The following DMTN variants were observed in gnomAD, a reference collection of about 807,000 sequenced individuals.
The protein encoded by DMTN is dematin.
In DMTN, 27 loss-of-function variants were observed where a neutral mutation model predicts 59.4. The observed-to-expected ratio is 0.45, with a 90% confidence interval of 0.33 to 0.63. DMTN has a LOEUF of 0.63. DMTN is among the 20% of genes least tolerant of loss of function. The probability of loss-of-function intolerance (pLI) is 0.02; values close to 1 mark genes in which losing one functional copy is unlikely to be tolerated. For missense variants in DMTN, 451 were observed against 528.9 expected (o/e 0.85, Z 1.45); for synonymous variants, 221 against 203.7 (o/e 1.08, Z -0.72).
chr8:22,068,017 G>T lies in DMTN; in HGVS notation c.249+335G>T, dbSNP rs138568639. On this transcript the variant is annotated intron_variant, in intron 4 of 15. Coordinates refer to ENST00000358242, the MANE Select transcript of DMTN (RefSeq NM_001387751.1). Reference sequence around the variant, plus strand: ...GCGGAGGGACCCATGTGATGTTGTGGCCTCAGCTTACCCTCGTGTAAAATA... The same window carrying T: ...GCGGAGGGACCCATGTGATGTTGTGTCCTCAGCTTACCCTCGTGTAAAATA... Among the ~76,000 whole-genome samples the T allele has an allele frequency of 2.6e-5, 4 of 152,348 alleles. No homozygotes were observed. The East Asian group carries it at 7.7e-4, about 29-fold the overall frequency.
At chr8:22,051,768 C>T (rs564897418), upstream of DMTN, among the ~76,000 whole-genome samples, 3 of 152,284 alleles carry the variant, frequency 2.0e-5, no homozygotes, top group South Asian at 2.1e-4. Context: ...TCTAAATATC[C>T]ACTCGCTCCC....
intron 1 of DMTN, among the ~76,000 whole-genome samples, chr8:22,062,834 A>G (rs565150812): frequency 6.7e-6 from 1 of 149,538 alleles, no homozygotes; most frequent in East Asian, 2.0e-4. Context: ...TTCTCTCAAT[A>G]TGTTTTGCAC....
chr8:22,069,655 C>A, intron 6 of DMTN, 137 bp downstream of exon 6: 1 of 894,980 alleles, frequency 1.1e-6, no homozygotes. Context: ...GGCCAGGACC[C>A]CTCCCAGAGA....
At chr8:22,079,273 A>ATATATATATATATATATATATATAT (rs1554562329) in intron 10 of DMTN, among the ~76,000 whole-genome samples, 2 of 28,566 alleles carry the variant, frequency 7.0e-5, no homozygotes, top group African/African-American at 2.0e-4. Flanking sequence ...TAAATAAATA[A>ATATATATATATATATATATATATAT]ATAAATATAT....
At chr8:22,062,384 C>T (rs1446002912) in intron 1 of DMTN, among the ~76,000 whole-genome samples, 1 of 152,156 alleles carries the variant, frequency 6.6e-6, no homozygotes, top group African/African-American at 2.4e-5. Flanking sequence ...AGGCATAAGC[C>T]ACTGCCCAGC....
At chr8:22,061,786 C>G (rs946801703) in intron 1 of DMTN, among the ~76,000 whole-genome samples, 1 of 141,262 alleles carries the variant, frequency 7.1e-6, no homozygotes. Flanking sequence ...CAGAATCTCA[C>G]TCTGTTGCCC....
chr8:22,080,540 C>T, intron 12 of DMTN, 78 bp from the exon 13 acceptor site: 1 of 1,613,678 alleles, frequency 6.2e-7, no homozygotes, highest in East Asian at 2.2e-5. Context: ...GGGCTGTGGG[C>T]AGGGGTCTGG....
upstream of DMTN, among the ~76,000 whole-genome samples, chr8:22,054,036 G>C (rs1433759055): frequency 6.6e-6 from 1 of 152,128 alleles, no homozygotes; most frequent in Non-Finnish European, 1.5e-5. Context: ...ACAGTGACGA[G>C]GTAGGGTCAG....
At position 22,058,468 on chromosome 8, in the gene DMTN, C is replaced by T. The variant is rs1031783731; in HGVS notation, c.-172+1332C>T. ...GCTGCAGGATGCAGAAAGCAGAAAG[C>T]GGGGTCTCTTCAGAGGGTGGGTGGA... On this transcript the variant is annotated intron_variant, in intron 1 of 15. Transcript: ENST00000358242. This position sits in a 1 kb window ranked among gnomAD's most constrained non-coding sequence, Gnocchi z 4.3. 2.6e-5 allele frequency among the ~76,000 whole-genome samples: 4 copies of T among 152,154 alleles called. No homozygotes were observed. Among genetic ancestry groups the T allele is most frequent in the East Asian group, 1.9e-4 (1 of 5,186 alleles).
chr8:22,081,087 A>T, intron 14 of DMTN, 26 bp from the exon 15 acceptor site: 4 of 1,250,862 alleles, frequency 3.2e-6, no homozygotes, highest in African/African-American at 1.5e-5. Context: ...CTGTGAGCCT[A>T]AGATTGCCCC....
intron 10 of DMTN, among the ~76,000 whole-genome samples, chr8:22,078,335 A>C (rs7017778): frequency 6.6e-6 from 1 of 151,514 alleles, no homozygotes; most frequent in Non-Finnish European, 1.5e-5. Flanking sequence ...ACTGCACTCC[A>C]GCCTAGGCAA....
In DMTN at chr8:22,081,508, C is replaced by T; in HGVS notation, c.*45C>T. ...GACGGCCCCCTTACCCCTGCTGCTTCAGGGTTTTTCCCCGGCGGGTTGGGA... is the reference window on the plus strand; with the variant it reads ...GACGGCCCCCTTACCCCTGCTGCTTTAGGGTTTTTCCCCGGCGGGTTGGGA... On this transcript the variant is annotated 3_prime_UTR_variant, in exon 16 of 16. Transcript: ENST00000358242. The T allele has an allele frequency of 1.9e-6, 3 of 1,567,156 alleles. No individual in the cohort carries two copies. The highest frequency in any genetic ancestry group is 2.6e-6 in the Non-Finnish European group (3 of 1,137,982).
chr8:22,056,567 T>A (rs778658378), upstream of DMTN, among the ~76,000 whole-genome samples: 1 of 152,006 alleles, frequency 6.6e-6, no homozygotes, highest in Non-Finnish European at 1.5e-5. Flanking sequence ...TGCGTGTGGG[T>A]GTGTGTGTGC....
At position 22,066,906 on chromosome 8, in the gene DMTN, G is replaced by C; in HGVS notation, c.18+13G>C. 8.0e-7 allele frequency: 1 copy of C among 1,256,916 alleles called. No homozygotes were observed. The highest frequency in any genetic ancestry group is 1.0e-6 in the Non-Finnish European group (1 of 1,000,474). 77.9% of individuals were successfully genotyped at this position (1,256,916 alleles called of 1,614,324 possible). On this transcript the variant is annotated intron_variant, in intron 2 of 15. Transcript: ENST00000358242. ...ACGGCTGCAGAAGGTGCGCGGCGCCGCCCCGGGCCGGGGCCGCCGAGGGCG... is the reference window on the plus strand; with the variant it reads ...ACGGCTGCAGAAGGTGCGCGGCGCCCCCCCGGGCCGGGGCCGCCGAGGGCG...
rs759043387 is a variant in DMTN, at chr8:22,080,499, G to A, written c.949+39G>A. 5 of 1,614,078 alleles carry A rather than the reference G, an allele frequency of 3.1e-6. No individual in the cohort carries two copies. In the Admixed American group the frequency reaches 8.3e-5, roughly 27 times the overall value. On this transcript the variant is annotated intron_variant, in intron 12 of 15. Transcript: ENST00000358242. ...CCTGGTGCCGGGGTCTGGAGAAGGG[G>A]CTTACACAGGTCCCTGGGCAGCCGG...
rs1226456144 is a variant in DMTN at position 22,060,679 on chromosome 8, C to G, written c.-172+3543C>G. Reference sequence around the variant, plus strand: ...GTGGCACCAGGGTGCAGGGCCCTGGCTGACCCCAGGAAGCAGACCCAGATG... The same window carrying G: ...GTGGCACCAGGGTGCAGGGCCCTGGGTGACCCCAGGAAGCAGACCCAGATG... On this transcript the variant is annotated intron_variant, in intron 1 of 15. Coordinates refer to ENST00000358242, the MANE Select transcript of DMTN (RefSeq NM_001387751.1). This position sits in a 1 kb window ranked among gnomAD's most constrained non-coding sequence, Gnocchi z 5.0. Among the ~76,000 whole-genome samples the G allele has an allele frequency of 2.6e-5, 4 of 152,250 alleles. No homozygotes were observed. Among genetic ancestry groups the G allele is most frequent in the African/African-American group, 9.6e-5 (4 of 41,478 alleles).
At chr8:22,049,199 C>T (rs1488187690), upstream of DMTN, 58 of 134,802 alleles carry the variant, frequency 4.3e-4, no homozygotes, top group African/African-American at 1.6e-3. Flanking sequence ...GGAGCCTCCT[C>T]GGGCAGCGAG....
At chr8:22,051,942 C>T (rs117191942), upstream of DMTN, among the ~76,000 whole-genome samples, 15,168 of 152,272 alleles carry the variant, frequency 0.1, 945 homozygotes, top group South Asian at 0.14. Context: ...GTCCAGTCTC[C>T]CTATTCGGCC....
intron 4 of DMTN, among the ~76,000 whole-genome samples, 179 bp downstream of exon 4, chr8:22,067,861 G>T (rs868050545): frequency 7.9e-5 from 12 of 152,244 alleles, no homozygotes; most frequent in African/African-American, 2.9e-4. Flanking sequence ...AGGCAGAACG[G>T]TCTCTGGGCT....
Sources: gnomAD v4.1 joint callset for allele counts (sites outside exome capture counted in the v4.1 genomes callset) on GRCh38, gnomAD v4.1.1 for gene constraint, Gnocchi (gnomAD v3.1) non-coding constraint, MANE v1.5 for transcripts, NCBI Gene and HGNC (gene_info 2026-07-23, HGNC 2026-07-21) for gene names.